The following FNDC1 variants were observed in gnomAD, a reference collection of about 807,000 sequenced individuals.
FNDC1 encodes fibronectin type III domain containing 1.
A neutral mutation model predicts 168.0 loss-of-function variants in FNDC1; 96 were observed. The observed-to-expected ratio is 0.57, with a 90% CI of 0.48 to 0.68. The LOEUF is 0.68. Ranked by LOEUF, FNDC1 falls within the 30% of genes least tolerant of loss-of-function variation. The pLI is 0.00. For missense variants in FNDC1, 2,587 were observed against 2,482.1 expected (o/e 1.04, Z -0.90); for synonymous variants, 1,099 against 1,025.9 (o/e 1.07, Z -1.36).
At chr6:159,247,688 A>G (rs934308251) in intron 15 of FNDC1, among the ~76,000 whole-genome samples, 12 of 151,460 alleles carry the variant, frequency 7.9e-5, no homozygotes, top group Non-Finnish European at 1.5e-4. Context: ...AGTTCGAGCT[A>G]TGATGGCACC....
chr6:159,188,979 T>C (rs959056428), intron 1 of FNDC1, among the ~76,000 whole-genome samples: 2 of 152,106 alleles, frequency 1.3e-5, no homozygotes, highest in Non-Finnish European at 2.9e-5. Flanking sequence ...CTTGAACTCC[T>C]GATCTCAGAT....
Position 159,230,019 on chromosome 6 carries a change from C to T in FNDC1, c.1369+16C>T. The T allele has an allele frequency of 6.3e-7, 1 of 1,595,960 alleles. No homozygotes were observed. The highest frequency in any genetic ancestry group is 8.6e-7 in the Non-Finnish European group (1 of 1,169,290). On this transcript the variant is annotated intron_variant, in intron 10 of 22. Transcript: ENST00000297267. ...ATGCCAACAAGTAAGCATTATGTGT[C>T]TGTGGCTGTCTTCTCTCTCTCTTCA...
intron 2 of FNDC1, among the ~76,000 whole-genome samples, chr6:159,199,239 G>A (rs776794410): frequency 3.9e-5 from 6 of 152,112 alleles, no homozygotes; most frequent in African/African-American, 7.2e-5. Context: ...AGAGCTACAC[G>A]TTCAGGGTGC....
chr6:159,179,149 A>G (rs1781830714), intron 1 of FNDC1, among the ~76,000 whole-genome samples: 1 of 152,242 alleles, frequency 6.6e-6, no homozygotes, highest in South Asian at 2.1e-4. Flanking sequence ...TTGCCTGAGC[A>G]ACCTTCCATG....
intron 18 of FNDC1, among the ~76,000 whole-genome samples, chr6:159,257,905 C>CTTTTTT (rs142754305): frequency 7.6e-6 from 1 of 131,596 alleles, no homozygotes; most frequent in Admixed American, 7.7e-5. Flanking sequence ...GAGTCAATGT[C>CTTTTTT]TTTTTTTTTT....
chr6:159,251,660 G>A (rs1049648034), intron 17 of FNDC1, 128 bp downstream of exon 17: 2 of 753,906 alleles, frequency 2.7e-6, no homozygotes, highest in Non-Finnish European at 2.2e-6. Flanking sequence ...TGGATGAATG[G>A]GATGATGGAT....
intron 10 of FNDC1, among the ~76,000 whole-genome samples, chr6:159,230,770 T>C (rs1783065556): frequency 1.3e-5 from 2 of 152,188 alleles, no homozygotes; most frequent in Admixed American, 1.3e-4. Context: ...TGAAGACCCA[T>C]GGTAGACTGC....
chr6:159,225,632 G>A lies in FNDC1; in HGVS notation c.982G>A (p.Asp328Asn), dbSNP rs772463911. The change falls in exon 8 of 23, where the codon GAC (aspartate) becomes AAC (asparagine). Residue 328 changes from aspartate (D) to asparagine (N), a missense_variant. Transcript: ENST00000297267. ...TGTGCTGATTGAGAACCTGATTCCA[G>A]ACACTGTGTATGAATTTGCAGTCCG... ...RRVLIENLIP[D>N]TVYEFAVRIS... 1 of 1,613,988 alleles carries A rather than the reference G, an allele frequency of 6.2e-7. No homozygotes were observed. The highest frequency in any genetic ancestry group is 8.5e-7 in the Non-Finnish European group (1 of 1,179,876).
intron 12 of FNDC1, among the ~76,000 whole-genome samples, 187 bp from the exon 13 acceptor site, chr6:159,238,367 G>A (rs1174242493): frequency 2.6e-5 from 4 of 151,928 alleles, no homozygotes; most frequent in African/African-American, 4.8e-5. Flanking sequence ...TTACAAGCGT[G>A]AGCCACCGCG....
chr6:159,248,302 G>GA (rs1474227311), intron 15 of FNDC1, among the ~76,000 whole-genome samples: 1 of 150,552 alleles, frequency 6.6e-6, no homozygotes, highest in South Asian at 2.1e-4. Context: ...ATACATGGGA[G>GA]AAAAAAGAAT....
At chr6:159,176,255 A>T (rs1781758968) in intron 1 of FNDC1, among the ~76,000 whole-genome samples, 1 of 151,994 alleles carries the variant, frequency 6.6e-6, no homozygotes, top group African/African-American at 2.4e-5. Flanking sequence ...GTGAGTCTCC[A>T]TTTGAAGGAG....
Position 159,248,982 on chromosome 6 carries a change from A to G in FNDC1, c.4691-57A>G, listed in dbSNP as rs1777195513. The G allele has an allele frequency of 2.2e-5, 33 of 1,527,224 alleles. No individual in the cohort carries two copies. In the South Asian group the frequency reaches 3.9e-4, roughly 18 times the overall value. 94.6% of individuals were successfully genotyped at this position (1,527,224 alleles called of 1,614,324 possible). ...GAATGTAAGAAGGTATCATTTGACT[A>G]TAGACAGTGCTCCTTTTCTGGCAGT... is the stretch of plus-strand genomic sequence containing the variant. On this transcript the variant is annotated intron_variant, in intron 15 of 22. Transcript: ENST00000297267.
chr6:159,195,874 C>T (rs1448135595), intron 1 of FNDC1, among the ~76,000 whole-genome samples: 1 of 152,052 alleles, frequency 6.6e-6, no homozygotes, highest in South Asian at 2.1e-4. Context: ...AAGAAAAGTG[C>T]GATATGTATA....
Position 159,223,544 on chromosome 6 carries a change from T to C in FNDC1, c.783T>C (p.Asp261=). 6.2e-7 allele frequency: 1 copy of C among 1,613,044 alleles called. No individual in the cohort carries two copies. Among genetic ancestry groups the C allele is most frequent in the South Asian group, 1.1e-5 (1 of 90,928 alleles). Reference sequence around the variant, plus strand: ...TCATTTCAGAAGAGGACGAATTGGATGTACCTGACGACATCAGCGTCCGGG... The same window carrying C: ...TCATTTCAGAAGAGGACGAATTGGACGTACCTGACGACATCAGCGTCCGGG... ...KRKISEEDEL[D]VPDDISVRVM... is the part of the protein sequence containing the mutation. Residue 261 remains aspartate (D), a synonymous_variant, in exon 7 of 23, where the codon GAT becomes GAC. Transcript: ENST00000297267.
chr6:159,173,964 G>A (rs184058816), intron 1 of FNDC1, among the ~76,000 whole-genome samples: 96 of 152,294 alleles, frequency 6.3e-4, no homozygotes, highest in African/African-American at 2.1e-3. Context: ...AACATTTCGG[G>A]AGAGGCTCCA....
intron 11 of FNDC1, among the ~76,000 whole-genome samples, chr6:159,235,985 T>A (rs1783246079): frequency 1.3e-5 from 2 of 152,276 alleles, no homozygotes; most frequent in South Asian, 4.1e-4. Flanking sequence ...CCCACAGTAT[T>A]GTCAGAAAGC....
At chr6:159,210,150 C>T (rs924838276) in intron 4 of FNDC1, among the ~76,000 whole-genome samples, 3 of 152,190 alleles carry the variant, frequency 2.0e-5, no homozygotes, top group Non-Finnish European at 4.4e-5. Flanking sequence ...CTGCCCACCA[C>T]ATCCTTCGCC....
intron 22 of FNDC1, among the ~76,000 whole-genome samples, chr6:159,269,275 T>TCCATCCATCTATC (rs1265550115): frequency 7.8e-5 from 7 of 89,988 alleles, no homozygotes; most frequent in Non-Finnish European, 9.0e-5. Flanking sequence ...TATCTATCTA[T>TCCATCCATCTATC]CTATCTATCT....
intron 9 of FNDC1, among the ~76,000 whole-genome samples, chr6:159,227,546 T>C (rs1274252054): frequency 6.6e-6 from 1 of 152,088 alleles, no homozygotes; most frequent in African/African-American, 2.4e-5. Flanking sequence ...TTTCTTGGAA[T>C]AATAGAAGTT....
Sources: gnomAD v4.1 joint callset for allele counts (sites outside exome capture counted in the v4.1 genomes callset) on GRCh38, gnomAD v4.1.1 for gene constraint, MANE v1.5 for transcripts, NCBI Gene and HGNC (gene_info 2026-07-23, HGNC 2026-07-21) for gene names.